Variants in CAP1 observed in about 807,000 individuals in gnomAD.
CAP1 encodes the protein adenylyl cyclase-associated protein 1.
CAP1 carries 11 observed loss-of-function variants against 58.2 expected under a neutral mutation model. The observed-to-expected ratio is 0.19, with a 90% CI of 0.12 to 0.31. CAP1 has a LOEUF of 0.31. Ranked by LOEUF, CAP1 falls within the 10% of genes least tolerant of loss-of-function variation. The probability of loss-of-function intolerance (pLI) is 1.00; values close to 1 mark genes in which losing one functional copy is unlikely to be tolerated. For missense variants in CAP1, 423 were observed against 587.5 expected (o/e 0.72, Z 2.89); for synonymous variants, 183 against 213.8 (o/e 0.86, Z 1.26).
chr1:40,059,032 T>TTTTTTTTTTTTTTTG (rs1553163419), intron 1 of CAP1, among the ~76,000 whole-genome samples: 4 of 152,012 alleles, frequency 2.6e-5, no homozygotes, highest in African/African-American at 9.7e-5. Flanking sequence ...TCTAACTTTC[T>TTTTTTTTTTTTTTTG]ACACACAGTA....
intron 8 of CAP1, among the ~76,000 whole-genome samples, chr1:40,068,969 A>T (rs1361596958): frequency 6.6e-6 from 1 of 151,974 alleles, no homozygotes; most frequent in Non-Finnish European, 1.5e-5. Context: ...AATAGCTGGG[A>T]CTACAGCACC....
intron 1 of CAP1, among the ~76,000 whole-genome samples, chr1:40,052,069 G>A (rs1169804031): frequency 6.6e-6 from 1 of 152,156 alleles, no homozygotes; most frequent in East Asian, 1.9e-4. Context: ...CATCTTCTGT[G>A]TGCCTAGTTT....
chr1:40,052,666 T>G (rs922602148), intron 1 of CAP1, among the ~76,000 whole-genome samples: 11 of 151,646 alleles, frequency 7.3e-5, no homozygotes, highest in Non-Finnish European at 1.5e-4. Context: ...AGTGCTGGGA[T>G]TATAGGTGTG....
chr1:40,068,696 C>T (rs149985596), intron 8 of CAP1, among the ~76,000 whole-genome samples: 61 of 152,070 alleles, frequency 4.0e-4, no homozygotes, highest in African/African-American at 1.4e-3. Context: ...GATAAAAAGG[C>T]CATTCAGTAT....
At chr1:40,059,809 T>TA (rs1646772204) in intron 2 of CAP1, among the ~76,000 whole-genome samples, 1 of 152,144 alleles carries the variant, frequency 6.6e-6, no homozygotes, top group South Asian at 2.1e-4. Flanking sequence ...ATGTTAGCAC[T>TA]AAAAAAAACC....
chr1:40,064,387 C>T lies in CAP1; in HGVS notation c.438+17C>T. 8 of 1,613,982 alleles carry T rather than the reference C, an allele frequency of 5.0e-6. No individual in the cohort carries two copies. The highest frequency in any genetic ancestry group is 6.8e-6 in the Non-Finnish European group (8 of 1,179,934). ...GTGGCTATGGTGAGCAGCGCAGATT[C>T]CAGGGCTGGGGGTGGGTATAGATTT... On this transcript the variant is annotated intron_variant, in intron 5 of 12. Coordinates refer to ENST00000372805, the MANE Select transcript of CAP1 (RefSeq NM_006367.4).
intron 7 of CAP1, chr1:40,067,153 A>G (rs1647122556): frequency 1.1e-5 from 2 of 183,908 alleles, no homozygotes; most frequent in African/African-American, 2.4e-5. Context: ...GGATAGTAAC[A>G]TCTTTCACTG....
At position 40,067,553 on chromosome 1, in the gene CAP1, A is replaced by AAGAACTGAG; in HGVS notation, c.645_653dup (p.Leu217_Ser218insArgGluLeu). On this transcript the variant is annotated inframe_insertion, in exon 8 of 13. Transcript: ENST00000372805. ...TTATTGTTCCAGGGGCCTGTGGCAAAAGAACTGAGCGGACTGCCATCTGGA... is the reference window on the plus strand; with the variant it reads ...TTATTGTTCCAGGGGCCTGTGGCAAAAGAACTGAGAGAACTGAGCGGACTGCCATCTGGA... 3 of 1,609,680 alleles carry AAGAACTGAG rather than the reference A, an allele frequency of 1.9e-6. No homozygotes were observed. The highest frequency in any genetic ancestry group is 2.5e-6 in the Non-Finnish European group (3 of 1,177,778).
Position 40,070,883 on chromosome 1 carries a change from C to T in CAP1, c.1248C>T (p.Cys416=), listed in dbSNP as rs1647818675. The change falls in exon 12 of 13, where the codon TGC becomes TGT. Residue 416 remains cysteine, a synonymous_variant. Transcript: ENST00000372805. ...PTISINKTDG[C]HAYLSKNSLD... ...TATCCATCAACAAAACAGATGGCTG[C>T]CATGCTTACCTGAGCAAGAATTCCC... 6.2e-7 allele frequency: 1 copy of T among 1,613,212 alleles called. No homozygotes were observed. The highest frequency in any genetic ancestry group is 8.5e-7 in the Non-Finnish European group (1 of 1,179,462).
chr1:40,062,694 G>A (rs1349030906), intron 4 of CAP1, among the ~76,000 whole-genome samples: 2 of 152,102 alleles, frequency 1.3e-5, no homozygotes, highest in East Asian at 3.9e-4. Context: ...GGGCCTGAAA[G>A]TTTGAGGATG....
intron 1 of CAP1, among the ~76,000 whole-genome samples, chr1:40,054,424 T>A (rs912210184): frequency 6.6e-6 from 1 of 151,904 alleles, no homozygotes; most frequent in Non-Finnish European, 1.5e-5. Flanking sequence ...AATCCACCCG[T>A]CTCGGCCTCC....
intron 1 of CAP1, among the ~76,000 whole-genome samples, chr1:40,041,809 G>A (rs375101259): frequency 6.6e-6 from 1 of 152,198 alleles, no homozygotes; most frequent in South Asian, 2.1e-4. Flanking sequence ...AGAACAGGGT[G>A]CTCTGAAAGT....
chr1:40,040,965 G>A (rs1193439140), intron 1 of CAP1, 164 bp downstream of exon 1: 1 of 152,808 alleles, frequency 6.5e-6, no homozygotes, highest in East Asian at 1.9e-4. Context: ...GGTCTCTTGA[G>A]GTGGGGCCGG....
At chr1:40,053,519 C>T (rs1291819995) in intron 1 of CAP1, among the ~76,000 whole-genome samples, 2 of 152,006 alleles carry the variant, frequency 1.3e-5, no homozygotes, top group African/African-American at 4.8e-5. Flanking sequence ...GGCGTGAACT[C>T]GGCTCACTGC....
intron 6 of CAP1, among the ~76,000 whole-genome samples, chr1:40,066,001 CAG>C (rs1328908513): frequency 6.6e-6 from 1 of 152,054 alleles, no homozygotes; most frequent in Admixed American, 6.5e-5. Flanking sequence ...AGATAGAATC[CAG>C]AGTCTCTATC....
Position 40,067,532 on chromosome 1 carries a change from T to A in CAP1, c.631-8T>A. ...GGATGATGATGTTACCTGCACTTAT[T>A]GTTCCAGGGGCCTGTGGCAAAAGAA... On this transcript the variant is annotated splice_polypyrimidine_tract_variant and splice_region_variant and intron_variant, in intron 7 of 12. Coordinates refer to ENST00000372805, the MANE Select transcript of CAP1 (RefSeq NM_006367.4). 6.2e-7 allele frequency: 1 copy of A among 1,604,168 alleles called. No homozygotes were observed. The highest frequency in any genetic ancestry group is 8.5e-7 in the Non-Finnish European group (1 of 1,175,136).
At chr1:40,050,478 G>C (rs1207304902) in intron 1 of CAP1, among the ~76,000 whole-genome samples, 2 of 151,212 alleles carry the variant, frequency 1.3e-5, no homozygotes, top group Non-Finnish European at 3.0e-5. Flanking sequence ...GGCCAACATG[G>C]CGAAACCTTG....
chr1:40,061,315 C>T (rs904841857), intron 3 of CAP1, among the ~76,000 whole-genome samples: 4 of 152,114 alleles, frequency 2.6e-5, no homozygotes, highest in Admixed American at 6.5e-5. Context: ...GAGTAAATAC[C>T]TTGAGAATTT....
At chr1:40,063,614 T>TA (rs1389226163) in intron 4 of CAP1, among the ~76,000 whole-genome samples, 1 of 152,234 alleles carries the variant, frequency 6.6e-6, no homozygotes, top group Non-Finnish European at 1.5e-5. Context: ...ATGCCCAGAC[T>TA]AAGCCCCCTA....
Sources: gnomAD v4.1 joint callset for allele counts (sites outside exome capture counted in the v4.1 genomes callset) on GRCh38, gnomAD v4.1.1 for gene constraint, MANE v1.5 for transcripts, NCBI Gene and HGNC (gene_info 2026-07-23, HGNC 2026-07-21) for gene names.